The following SIN3A variants were observed in gnomAD, a reference collection of about 807,000 sequenced individuals.
The protein encoded by SIN3A is paired amphipathic helix protein Sin3a.
Under a neutral mutation model 146.1 loss-of-function variants are expected in SIN3A, and 14 were observed. That is an observed-to-expected ratio of 0.10 (90% confidence interval 0.06 to 0.15). The LOEUF (loss-of-function observed/expected upper bound fraction) is 0.15, where lower values mean the gene tolerates loss of function less well. Among genes scored for constraint, SIN3A ranks in the 10% least tolerant of loss-of-function variants. The pLI, the probability that SIN3A is intolerant of heterozygous loss-of-function variation, is 1.00. For missense variants in SIN3A, 1,028 were observed against 1,576.0 expected, an observed-to-expected ratio of 0.65 and a Z score of 5.89; for synonymous variants, 572 against 572.0, an observed-to-expected ratio of 1.00 and a Z score of 0.00.
At chr15:75,373,245 G>A (rs1181720119) in intron 20 of SIN3A, among the ~76,000 whole-genome samples, 1 of 152,166 alleles carries the variant, frequency 6.6e-6, no homozygotes, top group Non-Finnish European at 1.5e-5. Flanking sequence ...AGGTGTGGTG[G>A]TGCACGCCCG....
In SIN3A at chr15:75,392,900, T is replaced by C. The variant is rs955819006; in HGVS notation, c.2278-85A>G. On this transcript the variant is annotated intron_variant, in intron 14 of 20. Transcript: ENST00000394947. Reference sequence around the variant, plus strand: ...AAGACCACATCAGCCATACATCCCATTATCAACCACAGTGTCTATATTTTT... The same window carrying C: ...AAGACCACATCAGCCATACATCCCACTATCAACCACAGTGTCTATATTTTT... The C allele has an allele frequency of 3.0e-6, 3 of 992,408 alleles. No individual in the cohort carries two copies. In the African/African-American group the frequency reaches 4.9e-5, roughly 16 times the overall value. The allele number at this position is 992,408 out of a possible 1,614,324, so 61.5% of individuals were successfully genotyped here.
chr15:75,450,797 A>C (rs1044304313), intron 1 of SIN3A, among the ~76,000 whole-genome samples: 105 of 152,252 alleles, frequency 6.9e-4, no homozygotes, highest in Non-Finnish European at 1.1e-3. Flanking sequence ...CTAGGCGCCG[A>C]GACTCCCAGC....
intron 2 of SIN3A, among the ~76,000 whole-genome samples, chr15:75,428,055 AG>A (rs2073957198): frequency 6.6e-6 from 1 of 152,206 alleles, no homozygotes; most frequent in African/African-American, 2.4e-5. Context: ...ATAATAAAAA[AG>A]GGCAAAAACC....
In SIN3A at chr15:75,387,578, A is replaced by G. The variant is rs1390096552; in HGVS notation, c.3021+2074T>C. Among the ~76,000 whole-genome samples, 5 of 129,798 alleles carry G rather than the reference A, an allele frequency of 3.9e-5. No homozygotes were observed. The East Asian group carries it at 7.6e-4, about 20-fold the overall frequency. 85.2% of individuals were successfully genotyped at this position (129,798 alleles called of 152,430 possible). On this transcript the variant is annotated intron_variant, in intron 16 of 20. Coordinates refer to ENST00000394947, the MANE Select transcript of SIN3A (RefSeq NM_001145358.2). ...GTTTCCATTAAAAAAAAAAAAAAAA[A>G]GCGGGGGGTGGGTGGAGATAGTATT...
chr15:75,412,160 T>C (rs2073652352), intron 5 of SIN3A, among the ~76,000 whole-genome samples: 1 of 152,206 alleles, frequency 6.6e-6, no homozygotes, highest in South Asian at 2.1e-4. Context: ...ACTGAGATGA[T>C]GGAAATGTCC....
At chr15:75,438,761 T>G (rs1231453357) in intron 1 of SIN3A, among the ~76,000 whole-genome samples, 1 of 152,168 alleles carries the variant, frequency 6.6e-6, no homozygotes, top group Non-Finnish European at 1.5e-5. Flanking sequence ...AATAAATAAA[T>G]GCATACTCTT....
chr15:75,377,837 G>A (rs2072891123), intron 19 of SIN3A, among the ~76,000 whole-genome samples: 1 of 152,180 alleles, frequency 6.6e-6, no homozygotes. Context: ...TTACCCGAAA[G>A]AACAACTGAC....
At chr15:75,381,946 C>CTAAA (rs1249013976) in intron 17 of SIN3A, among the ~76,000 whole-genome samples, 1 of 152,072 alleles carries the variant, frequency 6.6e-6, no homozygotes, top group Non-Finnish European at 1.5e-5. Context: ...CTAGAATTCG[C>CTAAA]TAAAATAATA....
chr15:75,432,410 G>A (rs536277499), intron 1 of SIN3A, among the ~76,000 whole-genome samples: 1 of 152,268 alleles, frequency 6.6e-6, no homozygotes, highest in East Asian at 1.9e-4. Context: ...TTATTGGCCG[G>A]ATGCAGTGGC....
At chr15:75,395,347 T>C (rs1009422464) in intron 13 of SIN3A, among the ~76,000 whole-genome samples, 2 of 151,700 alleles carry the variant, frequency 1.3e-5, no homozygotes, top group Non-Finnish European at 2.9e-5. Flanking sequence ...GCACTAAAAC[T>C]GAAGAATAAC....
At chr15:75,414,419 G>T in intron 3 of SIN3A, 108 bp from the exon 4 acceptor site, 1 of 450,038 alleles carries the variant, frequency 2.2e-6, no homozygotes, top group Non-Finnish European at 3.8e-6. Context: ...TGCAGTAAAT[G>T]AAGTAAAAAT....
chr15:75,413,547 G>GT lies in SIN3A; in HGVS notation c.474-503dup, dbSNP rs10713555. Reference sequence around the variant, plus strand: ...ACTCAAAGATACTTGGCCACAATTTGTTTTTTTTTTTTTTGAGACAGAGTC... The same window carrying GT: ...ACTCAAAGATACTTGGCCACAATTTGTTTTTTTTTTTTTTTGAGACAGAGTC... On this transcript the variant is annotated intron_variant, in intron 4 of 20. Transcript: ENST00000394947. 4.4e-3 allele frequency among the ~76,000 whole-genome samples: 623 copies of GT among 141,166 alleles called. 1 individual carries two copies. Among genetic ancestry groups the GT allele is most frequent in the Middle Eastern group, 7.4e-3 (2 of 270 alleles). The allele number at this position is 141,166 out of a possible 152,430, so 92.6% of individuals were successfully genotyped here. A position where few individuals can be genotyped will look rare whatever the true frequency, so the allele number is the denominator to read the frequency against.
At chr15:75,403,545 CTT>C (rs1187541579) in intron 9 of SIN3A, among the ~76,000 whole-genome samples, 4 of 143,944 alleles carry the variant, frequency 2.8e-5, no homozygotes, top group Admixed American at 7.0e-5. Flanking sequence ...GCCTCTTTTT[CTT>C]TTTTTTTTTT....
intron 1 of SIN3A, among the ~76,000 whole-genome samples, chr15:75,437,671 A>C (rs1369091225): frequency 6.6e-6 from 1 of 152,162 alleles, no homozygotes; most frequent in East Asian, 1.9e-4. Flanking sequence ...AAACGATGGA[A>C]CCACAAAGTC....
chr15:75,409,363 G>A (rs761326788), intron 8 of SIN3A, among the ~76,000 whole-genome samples: 2 of 152,124 alleles, frequency 1.3e-5, no homozygotes, highest in Admixed American at 6.5e-5. Context: ...CTTTTGCAAA[G>A]CCAGATAAAC....
intron 18 of SIN3A, 184 bp from the exon 19 acceptor site, chr15:75,380,907 TAGCC>T (rs1567315874): frequency 7.4e-6 from 4 of 540,946 alleles, no homozygotes; most frequent in Non-Finnish European, 1.4e-5. Flanking sequence ...AAAATTCTGT[TAGCC>T]AGCAATACTG....
chr15:75,371,701 A>G lies in SIN3A; in HGVS notation c.*278T>C, dbSNP rs1181877095. The G allele has an allele frequency of 9.1e-6, 4 of 438,576 alleles. No individual in the cohort carries two copies. The Admixed American group carries it at 1.2e-4, about 13-fold the overall frequency. 27.2% of individuals were successfully genotyped at this position (438,576 alleles called of 1,614,324 possible). ...CTGCTGGTGTGTGCAAGCAAACTGC[A>G]TGTCTTTGCTTGCATGGACTTCCTT... is the stretch of plus-strand genomic sequence containing the variant. On this transcript the variant is annotated 3_prime_UTR_variant, in exon 21 of 21. Coordinates refer to ENST00000394947, the MANE Select transcript of SIN3A (RefSeq NM_001145358.2).
chr15:75,375,308 A>G (rs1206133987), intron 20 of SIN3A, among the ~76,000 whole-genome samples: 2 of 152,148 alleles, frequency 1.3e-5, no homozygotes, highest in Non-Finnish European at 2.9e-5. Context: ...AGGTAGGAAC[A>G]CCATATGAAG....
At chr15:75,431,228 C>A (rs903540041) in intron 1 of SIN3A, among the ~76,000 whole-genome samples, 3 of 152,158 alleles carry the variant, frequency 2.0e-5, no homozygotes, top group Admixed American at 6.6e-5. Flanking sequence ...TAAGATGCTA[C>A]GTAACTTCAA....
Sources: allele counts gnomAD v4.1 joint callset (sites outside exome capture counted in the v4.1 genomes callset), GRCh38; gene constraint gnomAD v4.1.1; transcripts MANE v1.5; gene names NCBI Gene and HGNC (gene_info 2026-07-23, HGNC 2026-07-21).